The following S100A8 variants were observed in gnomAD, a reference collection of about 807,000 sequenced individuals.
The protein encoded by S100A8 is protein S100-A8.
S100A8 carries 1 observed loss-of-function variant against 4.2 expected under a neutral mutation model. That is an observed-to-expected ratio of 0.24 (90% CI 0.08 to 1.12). The LOEUF is 1.12. Among genes scored for constraint, S100A8 ranks in the 50% most tolerant of loss-of-function variants. S100A8 has a pLI of 0.53. For missense variants in S100A8, 96 were observed against 111.8 expected (o/e 0.86, Z 0.64); for synonymous variants, 41 against 44.7 (o/e 0.92, Z 0.33).
At chr1:153,413,191 A>G in the S100A8 span, among the ~76,000 whole-genome samples, 1 of 152,242 alleles carries the variant, frequency 6.6e-6, no homozygotes, top group Non-Finnish European at 1.5e-5. Flanking sequence ...AATTTAATAA[A>G]GAACCTCAAT....
chr1:153,415,187 T>C, the S100A8 span, among the ~76,000 whole-genome samples: 23 of 148,910 alleles, frequency 1.5e-4, no homozygotes, highest in Admixed American at 2.7e-4. Context: ...TGTGTGTGCG[T>C]GTGTGTGTGT....
the S100A8 span, among the ~76,000 whole-genome samples, chr1:153,411,053 C>A: frequency 2.0e-5 from 3 of 152,102 alleles, no homozygotes; most frequent in Admixed American, 1.3e-4. Flanking sequence ...GGAAGCATTC[C>A]CTTTGAAAAC....
At chr1:153,417,023 G>GCTTGGCCTCTGGCCTTGGC in the S100A8 span, among the ~76,000 whole-genome samples, 3 of 152,270 alleles carry the variant, frequency 2.0e-5, no homozygotes, top group African/African-American at 4.8e-5. Context: ...TGGGCACAGG[G>GCTTGGCCTCTGGCCTTGGC]CTTGGCCTCT....
chr1:153,410,704 C>T, the S100A8 span, among the ~76,000 whole-genome samples: 1 of 152,138 alleles, frequency 6.6e-6, no homozygotes, highest in Non-Finnish European at 1.5e-5. Flanking sequence ...GACCAATATC[C>T]CTGATGAATA....
chr1:153,415,010 C>T, the S100A8 span, among the ~76,000 whole-genome samples: 1 of 152,324 alleles, frequency 6.6e-6, no homozygotes, highest in Non-Finnish European at 1.5e-5. Flanking sequence ...CCCACTTACA[C>T]ATGAGGGTGC....
chr1:153,404,896 A>C, the S100A8 span, among the ~76,000 whole-genome samples: 1 of 152,090 alleles, frequency 6.6e-6, no homozygotes, highest in Admixed American at 6.5e-5. Context: ...CTCCGGCGAC[A>C]ACCAGGGCGA....
At chr1:153,392,308 A>C (rs921037573), upstream of S100A8, among the ~76,000 whole-genome samples, 1 of 152,334 alleles carries the variant, frequency 6.6e-6, no homozygotes, top group East Asian at 1.9e-4. Flanking sequence ...TACAAGGATG[A>C]CTACTACTTC....
At chr1:153,421,163 C>A in the S100A8 span, 1 of 152,208 alleles carries the variant, frequency 6.6e-6, no homozygotes, top group Non-Finnish European at 1.5e-5. Flanking sequence ...TAAACTACTG[C>A]CTCTACCAGA....
chr1:153,404,171 G>A, the S100A8 span, among the ~76,000 whole-genome samples: 5 of 152,172 alleles, frequency 3.3e-5, no homozygotes, highest in African/African-American at 7.2e-5. Flanking sequence ...CCCACTCCAG[G>A]AGCCCACCCT....
chr1:153,402,260 A>C, the S100A8 span, among the ~76,000 whole-genome samples: 2 of 152,188 alleles, frequency 1.3e-5, no homozygotes, highest in Non-Finnish European at 2.9e-5. Context: ...ACAATTGCTG[A>C]AAAAGCCCAA....
At chr1:153,410,216 AATTG>A in the S100A8 span, among the ~76,000 whole-genome samples, 1 of 152,190 alleles carries the variant, frequency 6.6e-6, no homozygotes. Context: ...AGATTAACAA[AATTG>A]ATAGACCACT....
the S100A8 span, among the ~76,000 whole-genome samples, chr1:153,416,751 G>A: frequency 2.0e-5 from 3 of 152,230 alleles, no homozygotes; most frequent in African/African-American, 7.2e-5. Context: ...CCAGGTGGCT[G>A]AACCAGACCT....
chr1:153,403,672 C>T, the S100A8 span, among the ~76,000 whole-genome samples: 596 of 152,248 alleles, frequency 3.9e-3, 3 homozygotes, highest in African/African-American at 0.013. Context: ...AAAACATCTC[C>T]CCAGTTCTTA....
At chr1:153,416,982 G>A in the S100A8 span, among the ~76,000 whole-genome samples, 1 of 151,966 alleles carries the variant, frequency 6.6e-6, no homozygotes, top group Non-Finnish European at 1.5e-5. Context: ...AAACCCCCAG[G>A]CCTTGGACCT....
the S100A8 span, among the ~76,000 whole-genome samples, chr1:153,398,551 T>C: frequency 3.9e-5 from 6 of 152,176 alleles, no homozygotes; most frequent in Non-Finnish European, 8.8e-5. Context: ...CCAGAGCCTC[T>C]GTGCAGCTCC....
the S100A8 span, among the ~76,000 whole-genome samples, chr1:153,399,876 G>T: frequency 2.0e-5 from 3 of 152,224 alleles, no homozygotes; most frequent in African/African-American, 7.2e-5. Context: ...AAGGCCCGGG[G>T]CTGTAAAAGA....
chr1:153,391,164 G>C (rs1484955643), upstream of S100A8: 2 of 985,394 alleles, frequency 2.0e-6, no homozygotes, highest in Admixed American at 1.2e-4. Flanking sequence ...CTCCCTGCCA[G>C]AGTTGCTACA....
chr1:153,401,574 A>G, the S100A8 span, among the ~76,000 whole-genome samples: 1 of 152,196 alleles, frequency 6.6e-6, no homozygotes, highest in Non-Finnish European at 1.5e-5. Flanking sequence ...CCAGACACTG[A>G]AAACAATGTC....
the S100A8 span, among the ~76,000 whole-genome samples, chr1:153,412,802 C>A: frequency 6.6e-6 from 1 of 152,214 alleles, no homozygotes; most frequent in East Asian, 1.9e-4. Flanking sequence ...TACTATGCAG[C>A]CATAAAAAAG....
Sources: allele counts gnomAD v4.1 joint callset (sites outside exome capture counted in the v4.1 genomes callset), GRCh38; gene constraint gnomAD v4.1.1; transcripts MANE v1.5; gene names NCBI Gene and HGNC (gene_info 2026-07-23, HGNC 2026-07-21).